The following DENND1B variants were observed in gnomAD, a reference collection of about 807,000 sequenced individuals.
DENND1B encodes DENN domain containing 1B.
DENND1B carries 59 observed loss-of-function variants against 90.1 expected under a neutral mutation model. That is an observed-to-expected ratio of 0.65 (90% CI 0.53 to 0.81). The LOEUF is 0.81. Ranked by LOEUF, DENND1B falls within the 40% of genes least tolerant of loss-of-function variation. The pLI, the probability that DENND1B is intolerant of heterozygous loss-of-function variation, is 0.00. For synonymous variants in DENND1B, 337 were observed against 324.6 expected (o/e 1.04, Z -0.41); for missense variants, 862 against 912.6 (o/e 0.94, Z 0.71).
At chr1:197,647,344 T>C (rs1413373451) in intron 7 of DENND1B, among the ~76,000 whole-genome samples, 1 of 152,146 alleles carries the variant, frequency 6.6e-6, no homozygotes, top group Non-Finnish European at 1.5e-5. Context: ...CTGTGGATAT[T>C]TGACGATTTT....
intron 2 of DENND1B, chr1:197,735,671 G>C (rs754007501): frequency 6.2e-7 from 1 of 1,614,028 alleles, no homozygotes; most frequent in South Asian, 1.1e-5. Flanking sequence ...GCCGGTACAA[G>C]GTCTACCCCG....
intron 14 of DENND1B, among the ~76,000 whole-genome samples, chr1:197,590,651 A>G (rs1263411260): frequency 1.3e-5 from 2 of 152,186 alleles, no homozygotes; most frequent in Non-Finnish European, 2.9e-5. Flanking sequence ...CTTAATTTAT[A>G]AAATAAGTTA....
At chr1:197,735,607 A>AT (rs1226774041) in intron 2 of DENND1B, 4 of 1,614,226 alleles carry the variant, frequency 2.5e-6, no homozygotes, top group Non-Finnish European at 3.4e-6. Context: ...GGTTGGGGCC[A>AT]TCTTTTCTCC....
chr1:197,604,152 T>A (rs1277011463), intron 13 of DENND1B, among the ~76,000 whole-genome samples: 2 of 150,016 alleles, frequency 1.3e-5, no homozygotes, highest in Non-Finnish European at 3.0e-5. Flanking sequence ...AGTTATTCCA[T>A]GTAATAATCA....
intron 9 of DENND1B, among the ~76,000 whole-genome samples, chr1:197,645,078 T>C (rs1680613972): frequency 6.6e-6 from 1 of 152,018 alleles, no homozygotes; most frequent in African/African-American, 2.4e-5. Flanking sequence ...GTAATAACTA[T>C]TAAAATACTG....
chr1:197,595,227 T>A lies in DENND1B; in HGVS notation c.1028A>T (p.Asp343Val). ...GCTTACAGGTTTGTATCTCAGTGCATCTCTGTAGGATCCAAACAAAGCAGC... is the reference window on the plus strand; with the variant it reads ...GCTTACAGGTTTGTATCTCAGTGCAACTCTGTAGGATCCAAACAAAGCAGC... Reference protein sequence around the residue: ...AQAALFGSYRDALRYKPGEPI... With the variant: ...AQAALFGSYRVALRYKPGEPI... The change falls in exon 14 of 23, where the codon GAT becomes GTT. Residue 343 changes from aspartate to valine, a missense_variant. By Grantham distance (152) the Asp-to-Val change is radical (BLOSUM62 -3). Transcript: ENST00000620048. 1 of 1,613,026 alleles carries A rather than the reference T, an allele frequency of 6.2e-7. No homozygotes were observed. The highest frequency in any genetic ancestry group is 8.5e-7 in the Non-Finnish European group (1 of 1,179,268).
At chr1:197,646,201 T>C (rs1680721312) in intron 8 of DENND1B, among the ~76,000 whole-genome samples, 1 of 151,914 alleles carries the variant, frequency 6.6e-6, no homozygotes, top group Admixed American at 6.6e-5. Flanking sequence ...TCTACTAAGA[T>C]TCCTGGGCTG....
chr1:197,706,137 A>G (rs989110756), intron 3 of DENND1B, among the ~76,000 whole-genome samples: 3 of 152,204 alleles, frequency 2.0e-5, no homozygotes, highest in African/African-American at 7.2e-5. Flanking sequence ...AAATGGTGAG[A>G]ACTCCATCTG....
intron 5 of DENND1B, among the ~76,000 whole-genome samples, chr1:197,666,918 G>C (rs1228828685): frequency 6.6e-6 from 1 of 152,144 alleles, no homozygotes; most frequent in East Asian, 1.9e-4. Flanking sequence ...AACACTTTGG[G>C]AGTTCAGGCG....
intron 10 of DENND1B, among the ~76,000 whole-genome samples, chr1:197,632,561 G>C (rs1279138040): frequency 6.6e-6 from 1 of 152,084 alleles, no homozygotes; most frequent in Non-Finnish European, 1.5e-5. Context: ...TCACAAATTA[G>C]TAACTCTGAA....
chr1:197,669,324 G>A (rs540302621), intron 5 of DENND1B, among the ~76,000 whole-genome samples: 83 of 152,044 alleles, frequency 5.5e-4, no homozygotes, highest in African/African-American at 2.0e-3. Flanking sequence ...GCTAAAAGTG[G>A]TGAAGGACCC....
In DENND1B at chr1:197,510,893, C is replaced by T. The variant is rs1462509810; in HGVS notation, c.1895G>A (p.Gly632Glu). ...GSGDQAEWNL[G>E]QDDSALHGKH... ...GCCATGGAGGGCACTATCGTCTTGCCCAAGATTCCACTCTGCTTGGTCACC... is the reference window on the plus strand; with the variant it reads ...GCCATGGAGGGCACTATCGTCTTGCTCAAGATTCCACTCTGCTTGGTCACC... Residue 632 changes from glycine (G) to glutamate (E), a missense_variant, in exon 23 of 23, where the codon GGG (glycine) becomes GAG (glutamate). By Grantham distance (98) the Gly-to-Glu change is moderately conservative. Transcript: ENST00000620048. 1 of 1,604,664 alleles carries T rather than the reference C, an allele frequency of 6.2e-7. No individual in the cohort carries two copies. The highest frequency in any genetic ancestry group is 1.7e-5 in the Admixed American group (1 of 58,762).
chr1:197,716,247 T>A (rs973545896), intron 2 of DENND1B, among the ~76,000 whole-genome samples: 3 of 151,764 alleles, frequency 2.0e-5, no homozygotes, highest in Non-Finnish European at 4.4e-5. Flanking sequence ...TTCCACAGAA[T>A]TTTTTTCAGG....
At chr1:197,608,969 G>C (rs1330701639) in intron 12 of DENND1B, among the ~76,000 whole-genome samples, 1 of 150,134 alleles carries the variant, frequency 6.7e-6, no homozygotes, top group African/African-American at 2.4e-5. Flanking sequence ...AAAAAATAGA[G>C]TGTAACAAAT....
intron 15 of DENND1B, among the ~76,000 whole-genome samples, chr1:197,569,633 C>T (rs1426090913): frequency 6.6e-6 from 1 of 151,500 alleles, no homozygotes; most frequent in Non-Finnish European, 1.5e-5. Context: ...GAAGAAAATC[C>T]TGTCAACTGC....
At chr1:197,774,011 A>G (rs1656947283) in intron 1 of DENND1B, among the ~76,000 whole-genome samples, 1 of 152,254 alleles carries the variant, frequency 6.6e-6, no homozygotes, top group Non-Finnish European at 1.5e-5. Flanking sequence ...AAACATAGGA[A>G]GTGACAAGAC....
intron 12 of DENND1B, among the ~76,000 whole-genome samples, chr1:197,610,803 A>T (rs1677115572): frequency 6.6e-6 from 1 of 150,924 alleles, no homozygotes; most frequent in Non-Finnish European, 1.5e-5. Flanking sequence ...AAAAATAAGG[A>T]GTCATAAAGG....
At chr1:197,633,045 A>T (rs1679471699) in intron 10 of DENND1B, among the ~76,000 whole-genome samples, 1 of 152,194 alleles carries the variant, frequency 6.6e-6, no homozygotes, top group South Asian at 2.1e-4. Flanking sequence ...GGGACATTTT[A>T]CCAGATAAAG....
At chr1:197,593,882 A>T (rs1165896290) in intron 14 of DENND1B, among the ~76,000 whole-genome samples, 3 of 152,148 alleles carry the variant, frequency 2.0e-5, no homozygotes, top group African/African-American at 7.2e-5. Flanking sequence ...AAACTTTGAC[A>T]TAACCAGAAT....
Sources: allele counts gnomAD v4.1 joint callset (sites outside exome capture counted in the v4.1 genomes callset), GRCh38; gene constraint gnomAD v4.1.1; transcripts MANE v1.5; gene names NCBI Gene and HGNC (gene_info 2026-07-23, HGNC 2026-07-21).